The following CCDC148 variants were observed in gnomAD, a reference collection of about 807,000 sequenced individuals.
The protein encoded by CCDC148 is coiled-coil domain containing 148.
In CCDC148, 89 loss-of-function variants were observed where a neutral mutation model predicts 85.7. The observed-to-expected ratio is 1.04, with a 90% CI of 0.87 to 1.24. The LOEUF (loss-of-function observed/expected upper bound fraction) is 1.24. CCDC148 is among the 50% of genes most tolerant of loss of function. CCDC148 has a pLI of 0.00. For missense variants in CCDC148, 692 were observed against 671.7 expected, an observed-to-expected ratio of 1.03 and a Z score of -0.33; for synonymous variants, 230 against 213.9, an observed-to-expected ratio of 1.08 and a Z score of -0.66.
intron 11 of CCDC148, among the ~76,000 whole-genome samples, chr2:158,197,229 A>C (rs1484288060): frequency 6.6e-6 from 1 of 152,186 alleles, no homozygotes; most frequent in Admixed American, 6.6e-5. Context: ...GAATTCAATG[A>C]GAGAAAATTA....
intron 1 of CCDC148, among the ~76,000 whole-genome samples, chr2:158,392,643 A>G (rs1685362352): frequency 6.6e-6 from 1 of 152,076 alleles, no homozygotes; most frequent in African/African-American, 2.4e-5. Context: ...ATTATCATAA[A>G]TTATTTGCAT....
intron 2 of CCDC148, among the ~76,000 whole-genome samples, chr2:158,353,770 A>G (rs1327740032): frequency 6.6e-6 from 1 of 152,162 alleles, no homozygotes; most frequent in Non-Finnish European, 1.5e-5. Flanking sequence ...TCAACAGAAT[A>G]TACATTTTTT....
chr2:158,267,011 A>T (rs575890965), intron 9 of CCDC148, among the ~76,000 whole-genome samples: 1 of 151,712 alleles, frequency 6.6e-6, no homozygotes, highest in Admixed American at 6.6e-5. Context: ...ATGGGCATGA[A>T]ATTATACCCA....
intron 9 of CCDC148, among the ~76,000 whole-genome samples, chr2:158,281,809 G>C (rs1342301972): frequency 4.6e-5 from 7 of 152,134 alleles, no homozygotes; most frequent in East Asian, 3.9e-4. Flanking sequence ...CCAAAGCCGG[G>C]CAGAGACACA....
intron 1 of CCDC148, among the ~76,000 whole-genome samples, chr2:158,366,495 T>C (rs576506282): frequency 6.6e-6 from 1 of 152,348 alleles, no homozygotes; most frequent in East Asian, 1.9e-4. Flanking sequence ...AAGGACTCGC[T>C]GCCTTGCTGT....
intron 9 of CCDC148, among the ~76,000 whole-genome samples, chr2:158,280,000 C>T (rs1029027109): frequency 6.6e-6 from 1 of 151,550 alleles, no homozygotes; most frequent in Non-Finnish European, 1.5e-5. Flanking sequence ...GAATTTTCAA[C>T]CCAGAATTTC....
intron 1 of CCDC148, among the ~76,000 whole-genome samples, chr2:158,422,270 G>C (rs1408032575): frequency 6.6e-6 from 1 of 152,072 alleles, no homozygotes; most frequent in African/African-American, 2.4e-5. Flanking sequence ...CCAAAGCCTG[G>C]CAGAGACACA....
chr2:158,326,121 A>G (rs1187975868), intron 7 of CCDC148, among the ~76,000 whole-genome samples: 2 of 152,010 alleles, frequency 1.3e-5, no homozygotes, highest in African/African-American at 4.8e-5. Flanking sequence ...CCATACCTCT[A>G]TGACCCCACC....
At chr2:158,231,258 A>G (rs1687844807) in intron 10 of CCDC148, among the ~76,000 whole-genome samples, 1 of 152,168 alleles carries the variant, frequency 6.6e-6, no homozygotes, top group African/African-American at 2.4e-5. Context: ...AGCTTTCTCT[A>G]CTAGAATGAC....
chr2:158,431,616 T>G (rs1344432321), intron 1 of CCDC148, among the ~76,000 whole-genome samples: 1 of 152,112 alleles, frequency 6.6e-6, no homozygotes, highest in Non-Finnish European at 1.5e-5. Context: ...CAACAAGGAT[T>G]ATTAAAGAAA....
At chr2:158,307,909 C>G (rs1691773797) in intron 9 of CCDC148, among the ~76,000 whole-genome samples, 1 of 152,118 alleles carries the variant, frequency 6.6e-6, no homozygotes, top group Non-Finnish European at 1.5e-5. Flanking sequence ...AAGTGGTCTT[C>G]TGAGCTGCCA....
At chr2:158,363,921 T>C (rs999199995) in intron 1 of CCDC148, among the ~76,000 whole-genome samples, 11 of 152,306 alleles carry the variant, frequency 7.2e-5, no homozygotes, top group African/African-American at 2.4e-4. Flanking sequence ...AACCCCATCG[T>C]CTCAGCCCAA....
intron 1 of CCDC148, among the ~76,000 whole-genome samples, chr2:158,425,687 G>A (rs1361403970): frequency 6.6e-6 from 1 of 152,140 alleles, no homozygotes; most frequent in African/African-American, 2.4e-5. Context: ...GATCCATAGG[G>A]AGAAACTGTG....
At chr2:158,362,528 A>T (rs544269042) in intron 1 of CCDC148, among the ~76,000 whole-genome samples, 86 of 152,286 alleles carry the variant, frequency 5.6e-4, no homozygotes, top group African/African-American at 1.9e-3. Context: ...TCAAAACTGC[A>T]CAACTACATG....
chr2:158,297,868 C>T (rs530014077), intron 9 of CCDC148, among the ~76,000 whole-genome samples: 5 of 152,304 alleles, frequency 3.3e-5, no homozygotes, highest in African/African-American at 1.2e-4. Flanking sequence ...GATGGCCATG[C>T]CATGTCTGTC....
intron 9 of CCDC148, among the ~76,000 whole-genome samples, chr2:158,286,092 GTATTAA>G (rs1251809724): frequency 6.6e-6 from 1 of 152,038 alleles, no homozygotes; most frequent in East Asian, 1.9e-4. Context: ...ATATTAATAT[GTATTAA>G]TATTAGTATA....
chr2:158,240,452 TCACACACACA>T (rs4028276), intron 10 of CCDC148, among the ~76,000 whole-genome samples: 56 of 120,546 alleles, frequency 4.6e-4, no homozygotes, highest in Admixed American at 2.5e-3. Context: ...TCTCTCTCTC[TCACACACACA>T]CACACACACA....
At chr2:158,337,359 C>T (rs1463854965) in intron 7 of CCDC148, among the ~76,000 whole-genome samples, 1 of 152,098 alleles carries the variant, frequency 6.6e-6, no homozygotes, top group African/African-American at 2.4e-5. Flanking sequence ...GATTATAATG[C>T]CCTCTCCCCT....
chr2:158,353,474 C>T (rs529739688), intron 2 of CCDC148, among the ~76,000 whole-genome samples: 1 of 142,514 alleles, frequency 7.0e-6, no homozygotes, highest in Non-Finnish European at 1.6e-5. Context: ...TCAAAAGAGA[C>T]AAAGAAGGCC....
Sources: gnomAD v4.1 joint callset for allele counts (sites outside exome capture counted in the v4.1 genomes callset) on GRCh38, gnomAD v4.1.1 for gene constraint, MANE v1.5 for transcripts, NCBI Gene and HGNC (gene_info 2026-07-23, HGNC 2026-07-21) for gene names.